Variants in ST3GAL3 observed in about 807,000 individuals in gnomAD.
ST3GAL3 encodes the protein ST3 beta-galactoside alpha-2,3-sialyltransferase 3.
In ST3GAL3, 21 loss-of-function variants were observed where a neutral mutation model predicts 50.1. That is an observed-to-expected ratio of 0.42 (90% CI 0.30 to 0.60). ST3GAL3 has a LOEUF of 0.60. Ranked by LOEUF, ST3GAL3 falls within the 20% of genes least tolerant of loss-of-function variation. The pLI is 0.19. For synonymous variants in ST3GAL3, 183 were observed against 190.0 expected, an observed-to-expected ratio of 0.96 and a Z score of 0.30; for missense variants, 353 against 489.4, an observed-to-expected ratio of 0.72 and a Z score of 2.63.
At chr1:43,850,986 G>C (rs1184082351) in intron 5 of ST3GAL3, 2 of 891,696 alleles carry the variant, frequency 2.2e-6, no homozygotes, top group Non-Finnish European at 3.8e-6. Flanking sequence ...GTTCTTGTGA[G>C]TGGTGGTGGC....
At chr1:43,710,718 A>G (rs1322064775) in intron 1 of ST3GAL3, among the ~76,000 whole-genome samples, 3 of 152,224 alleles carry the variant, frequency 2.0e-5, no homozygotes, top group Non-Finnish European at 4.4e-5. Context: ...TATCTTAAAT[A>G]GTCTCCTTGA....
chr1:43,748,905 T>C (rs772328854), intron 2 of ST3GAL3, among the ~76,000 whole-genome samples: 2 of 152,150 alleles, frequency 1.3e-5, no homozygotes, highest in Non-Finnish European at 1.5e-5. Flanking sequence ...GATTCTAAAA[T>C]TTATATGAAA....
At chr1:43,859,890 A>G (rs574996419) in intron 5 of ST3GAL3, among the ~76,000 whole-genome samples, 1 of 152,218 alleles carries the variant, frequency 6.6e-6, no homozygotes. Context: ...TCCATCACCC[A>G]TCCTCATGTG....
chr1:43,769,366 C>CT (rs912156512), intron 2 of ST3GAL3, among the ~76,000 whole-genome samples: 1 of 152,122 alleles, frequency 6.6e-6, no homozygotes, highest in Non-Finnish European at 1.5e-5. Context: ...TCCCAAACCA[C>CT]TTTTTTTCTA....
At chr1:43,904,687 C>CGTCACTCTTCCTCCCGCTCCCT (rs2078852506) in intron 9 of ST3GAL3, among the ~76,000 whole-genome samples, 1 of 150,402 alleles carries the variant, frequency 6.6e-6, no homozygotes, top group Non-Finnish European at 1.5e-5. Flanking sequence ...CTCCCCTTCC[C>CGTCACTCTTCCTCCCGCTCCCT]GTCACTCTTC....
At chr1:43,801,631 GA>G (rs987970557) in intron 3 of ST3GAL3, 15 of 209,320 alleles carry the variant, frequency 7.2e-5, no homozygotes, top group African/African-American at 3.8e-4. Flanking sequence ...AAACATTTGT[GA>G]TTTTTTTTTT....
intron 1 of ST3GAL3, among the ~76,000 whole-genome samples, chr1:43,724,837 T>C (rs1405691019): frequency 6.6e-6 from 1 of 152,138 alleles, no homozygotes; most frequent in Non-Finnish European, 1.5e-5. Flanking sequence ...AAGGTCAAAT[T>C]GCGGGAGGAC....
At chr1:43,725,755 T>G (rs1469637453) in intron 1 of ST3GAL3, among the ~76,000 whole-genome samples, 1 of 152,126 alleles carries the variant, frequency 6.6e-6, no homozygotes, top group Non-Finnish European at 1.5e-5. Context: ...TAAGTGATCC[T>G]CCCACCTCAG....
At chr1:43,852,089 G>A (rs1268419802) in intron 5 of ST3GAL3, among the ~76,000 whole-genome samples, 2 of 152,214 alleles carry the variant, frequency 1.3e-5, no homozygotes, top group African/African-American at 4.8e-5. Context: ...GGAGCAGGCA[G>A]TGTAAAGGAA....
At chr1:43,898,014 G>A (rs888172915) in intron 6 of ST3GAL3, among the ~76,000 whole-genome samples, 1 of 152,096 alleles carries the variant, frequency 6.6e-6, no homozygotes, top group Non-Finnish European at 1.5e-5. Context: ...TGTTAGGGAC[G>A]GGCTCCCGGC....
At chr1:43,755,129 A>G (rs1391319782) in intron 2 of ST3GAL3, among the ~76,000 whole-genome samples, 2 of 152,212 alleles carry the variant, frequency 1.3e-5, no homozygotes, top group Non-Finnish European at 2.9e-5. Flanking sequence ...CAATGTTTAA[A>G]ATTCTCAAGG....
rs1284226580 is a variant in ST3GAL3 at position 43,849,194 on chromosome 1, A to G, written c.302+10883A>G. 4.0e-4 allele frequency among the ~76,000 whole-genome samples: 57 copies of G among 142,334 alleles called. 1 individual carries two copies. The highest frequency in any genetic ancestry group is 3.9e-3 in the Admixed American group (57 of 14,530). 93.4% of individuals were successfully genotyped at this position (142,334 alleles called of 152,430 possible). On this transcript the variant is annotated intron_variant, in intron 5 of 11. Transcript: ENST00000347631. Reference sequence around the variant, plus strand: ...TTATATTTAAATTATTAATTCATCTATTTTTGGTTTTGTGTGTTAGGAATG... The same window carrying G: ...TTATATTTAAATTATTAATTCATCTGTTTTTGGTTTTGTGTGTTAGGAATG...
chr1:43,776,723 C>T (rs1157359585), intron 2 of ST3GAL3, among the ~76,000 whole-genome samples: 1 of 152,262 alleles, frequency 6.6e-6, no homozygotes, highest in African/African-American at 2.4e-5. Context: ...CTCCCTGTGC[C>T]CTCCATTCTT....
At chr1:43,820,715 A>C (rs1040511464) in intron 4 of ST3GAL3, among the ~76,000 whole-genome samples, 1 of 152,184 alleles carries the variant, frequency 6.6e-6, no homozygotes, top group African/African-American at 2.4e-5. Flanking sequence ...AGTGCTGAGA[A>C]CATTATTCAG....
intron 2 of ST3GAL3, among the ~76,000 whole-genome samples, chr1:43,764,369 T>G (rs984554679): frequency 6.6e-6 from 1 of 152,124 alleles, no homozygotes; most frequent in Non-Finnish European, 1.5e-5. Flanking sequence ...TATTTTTGAT[T>G]GGAAAATATA....
At chr1:43,745,627 A>T (rs894624470) in intron 2 of ST3GAL3, among the ~76,000 whole-genome samples, 1 of 152,112 alleles carries the variant, frequency 6.6e-6, no homozygotes, top group African/African-American at 2.4e-5. Context: ...CTATGTTTAG[A>T]TATGTTTGAT....
At chr1:43,857,580 C>CT (rs1228925970) in intron 5 of ST3GAL3, among the ~76,000 whole-genome samples, 3,475 of 86,238 alleles carry the variant, frequency 0.04, 243 homozygotes, top group East Asian at 0.093. Context: ...TCTTTCCTTC[C>CT]TCCCTCCCTT....
intron 1 of ST3GAL3, among the ~76,000 whole-genome samples, chr1:43,716,987 ACGTCATT>A (rs1475007641): frequency 6.6e-6 from 1 of 152,176 alleles, no homozygotes; most frequent in East Asian, 1.9e-4. Flanking sequence ...ACATAGATTT[ACGTCATT>A]TGTTTATGTA....
At chr1:43,765,778 T>TGCGCGCGCGC (rs1692477424) in intron 2 of ST3GAL3, among the ~76,000 whole-genome samples, 1 of 137,020 alleles carries the variant, frequency 7.3e-6, no homozygotes, top group African/African-American at 2.9e-5. Context: ...TGTGTGTGTG[T>TGCGCGCGCGC]GTGTGTGCGC....
Sources: gnomAD v4.1 joint callset for allele counts (sites outside exome capture counted in the v4.1 genomes callset) on GRCh38, gnomAD v4.1.1 for gene constraint, MANE v1.5 for transcripts, NCBI Gene and HGNC (gene_info 2026-07-23, HGNC 2026-07-21) for gene names.